The following LRRC49 variants were observed in gnomAD, a reference collection of about 807,000 sequenced individuals.
LRRC49 encodes the protein leucine rich repeat containing 49, also known as leucine-rich repeat-containing protein 49.
In LRRC49, 50 loss-of-function variants were observed where a neutral mutation model predicts 83.3. The observed-to-expected ratio is 0.60, with a 90% CI of 0.48 to 0.76. The LOEUF (loss-of-function observed/expected upper bound fraction) is 0.76, where lower values mean the gene tolerates loss of function less well. LRRC49 is among the 30% of genes least tolerant of loss of function. The pLI, the probability that LRRC49 is intolerant of heterozygous loss-of-function variation, is 0.00. For missense variants in LRRC49, 704 were observed against 809.1 expected (o/e 0.87, Z 1.58); for synonymous variants, 286 against 283.3 (o/e 1.01, Z -0.10).
At chr15:70,859,769 C>T (rs1375293852) in intron 1 of LRRC49, 2 of 731,964 alleles carry the variant, frequency 2.7e-6, no homozygotes, top group Admixed American at 1.7e-5. Context: ...CAACGCCAAG[C>T]TGTCCGAGCT....
chr15:70,920,764 A>G (rs948972047), intron 7 of LRRC49, among the ~76,000 whole-genome samples: 13 of 152,330 alleles, frequency 8.5e-5, no homozygotes, highest in Admixed American at 7.8e-4. Context: ...AGTTAAGAAG[A>G]CAGTAGTAAG....
intron 1 of LRRC49, among the ~76,000 whole-genome samples, chr15:70,858,281 T>C (rs2141067200): frequency 6.6e-6 from 1 of 152,358 alleles, no homozygotes; most frequent in South Asian, 2.1e-4. Context: ...CTTTCTATAG[T>C]TTCTTTTTTT....
upstream of LRRC49, among the ~76,000 whole-genome samples, chr15:70,891,673 G>A (rs536485989): frequency 7.9e-5 from 12 of 151,416 alleles, no homozygotes; most frequent in Non-Finnish European, 1.6e-4. Context: ...TAATTCCAAA[G>A]TGTTAATGAT....
intron 8 of LRRC49, among the ~76,000 whole-genome samples, chr15:70,959,456 G>C (rs547408384): frequency 6.7e-6 from 1 of 149,992 alleles, no homozygotes; most frequent in African/African-American, 2.4e-5. Flanking sequence ...GTGCCATTGC[G>C]CTCCAGTCTG....
chr15:70,872,256 G>C (rs1321043566), intron 1 of LRRC49, among the ~76,000 whole-genome samples: 1 of 152,254 alleles, frequency 6.6e-6, no homozygotes, highest in Non-Finnish European at 1.5e-5. Flanking sequence ...CCAATCAGGC[G>C]TGGCAGCACG....
At chr15:71,046,203 A>G (rs2039851438) in intron 15 of LRRC49, among the ~76,000 whole-genome samples, 1 of 152,054 alleles carries the variant, frequency 6.6e-6, no homozygotes. Context: ...TTTTCTTTGG[A>G]GTATATACCC....
chr15:70,904,405 G>C, intron 4 of LRRC49, 147 bp from the exon 5 acceptor site: 1 of 519,162 alleles, frequency 1.9e-6, no homozygotes, highest in Non-Finnish European at 3.4e-6. Context: ...ATTAAATATA[G>C]GTCGCTTAGT....
intron 8 of LRRC49, among the ~76,000 whole-genome samples, chr15:70,954,896 G>A (rs572804519): frequency 2.6e-5 from 4 of 152,272 alleles, no homozygotes; most frequent in Non-Finnish European, 4.4e-5. Context: ...ATATGCTCCA[G>A]TGGGCAGGGC....
chr15:71,032,488 G>A (rs745837194), intron 14 of LRRC49, among the ~76,000 whole-genome samples: 2 of 152,064 alleles, frequency 1.3e-5, no homozygotes, highest in Non-Finnish European at 2.9e-5. Flanking sequence ...TTGAAAAGGA[G>A]GGACTTCTCC....
intron 11 of LRRC49, among the ~76,000 whole-genome samples, chr15:71,003,426 C>T (rs970238086): frequency 3.3e-5 from 5 of 152,108 alleles, no homozygotes; most frequent in African/African-American, 1.2e-4. Context: ...AACAGATCCT[C>T]CAGAGAAGAA....
chr15:70,979,806 A>C (rs1338686826), intron 9 of LRRC49, among the ~76,000 whole-genome samples: 1 of 152,142 alleles, frequency 6.6e-6, no homozygotes, highest in Non-Finnish European at 1.5e-5. Context: ...AGCGTACAAA[A>C]GGAAAATGAT....
intron 14 of LRRC49, among the ~76,000 whole-genome samples, chr15:71,023,240 T>C (rs2039049432): frequency 6.6e-6 from 1 of 152,096 alleles, no homozygotes; most frequent in African/African-American, 2.4e-5. Context: ...CTCACCAAGA[T>C]AGCAAAAGAG....
At chr15:71,023,393 A>G (rs1273644232) in intron 14 of LRRC49, among the ~76,000 whole-genome samples, 1 of 152,236 alleles carries the variant, frequency 6.6e-6, no homozygotes, top group Non-Finnish European at 1.5e-5. Flanking sequence ...AAAATCAGTA[A>G]AGATAATAAA....
chr15:70,958,708 A>G (rs568597959), intron 8 of LRRC49, among the ~76,000 whole-genome samples: 2 of 152,304 alleles, frequency 1.3e-5, no homozygotes, highest in Admixed American at 6.5e-5. Flanking sequence ...ACCTTCATAT[A>G]CTAGTTTGTT....
intron 7 of LRRC49, among the ~76,000 whole-genome samples, chr15:70,931,500 A>G (rs1469989696): frequency 2.0e-5 from 3 of 152,164 alleles, no homozygotes; most frequent in Non-Finnish European, 4.4e-5. Context: ...GAAAAATGGC[A>G]CTGACTTGGT....
chr15:71,043,408 T>C (rs1335382392), intron 15 of LRRC49, among the ~76,000 whole-genome samples: 2 of 152,192 alleles, frequency 1.3e-5, no homozygotes, highest in Non-Finnish European at 2.9e-5. Context: ...AAATACTTGC[T>C]TTATGAATCC....
chr15:71,028,391 T>C (rs923125940), intron 14 of LRRC49, among the ~76,000 whole-genome samples: 12 of 152,202 alleles, frequency 7.9e-5, no homozygotes, highest in African/African-American at 2.4e-4. Flanking sequence ...ATCATTGATA[T>C]TGGCCTGAAA....
intron 8 of LRRC49, among the ~76,000 whole-genome samples, chr15:70,938,518 A>T (rs1218955499): frequency 1.3e-5 from 2 of 151,844 alleles, no homozygotes; most frequent in African/African-American, 4.8e-5. Context: ...GTTTTTGTTG[A>T]TGCTTGTGGT....
intron 10 of LRRC49, among the ~76,000 whole-genome samples, chr15:70,983,542 AT>A (rs1299201574): frequency 6.6e-6 from 1 of 152,104 alleles, no homozygotes; most frequent in Non-Finnish European, 1.5e-5. Context: ...ACCTAGTACA[AT>A]TTCTTTTAAT....
Sources: gnomAD v4.1 joint callset for allele counts (sites outside exome capture counted in the v4.1 genomes callset) on GRCh38, gnomAD v4.1.1 for gene constraint, MANE v1.5 for transcripts, NCBI Gene and HGNC (gene_info 2026-07-23, HGNC 2026-07-21) for gene names.